The following SPATS2 variants were observed in gnomAD, a reference collection of about 807,000 sequenced individuals.
SPATS2 encodes spermatogenesis-associated serine-rich protein 2.
A neutral mutation model predicts 63.7 loss-of-function variants in SPATS2; 38 were observed. The ratio of observed to expected loss-of-function variants is 0.60; its 90% confidence interval spans 0.46 to 0.78. The LOEUF is 0.78. SPATS2 is among the 30% of genes least tolerant of loss of function. The pLI is 0.00. For synonymous variants in SPATS2, 207 were observed against 232.9 expected (o/e 0.89, Z 1.01); for missense variants, 588 against 666.2 (o/e 0.88, Z 1.29).
At chr12:49,419,961 G>A (rs1460825708) in intron 2 of SPATS2, among the ~76,000 whole-genome samples, 1 of 152,202 alleles carries the variant, frequency 6.6e-6, no homozygotes, top group African/African-American at 2.4e-5. Context: ...TGAAGCTTCT[G>A]TTCTTGAGAC....
At chr12:49,412,339 T>G (rs1565709240) in intron 2 of SPATS2, among the ~76,000 whole-genome samples, 1 of 151,702 alleles carries the variant, frequency 6.6e-6, no homozygotes, top group Non-Finnish European at 1.5e-5. Context: ...GGATTATAGG[T>G]ATGCGCCACC....
At chr12:49,464,785 C>A (rs771659563) in intron 3 of SPATS2, among the ~76,000 whole-genome samples, 36 of 152,146 alleles carry the variant, frequency 2.4e-4, no homozygotes, top group Non-Finnish European at 3.2e-4. Context: ...GCTATGATCA[C>A]TACACTCTAG....
chr12:49,513,148 T>C (rs945456420), intron 9 of SPATS2, among the ~76,000 whole-genome samples: 10 of 152,298 alleles, frequency 6.6e-5, no homozygotes, highest in Middle Eastern at 3.4e-3. Flanking sequence ...GTCTCCACAT[T>C]AACTACTTTG....
At position 49,496,993 on chromosome 12, in the gene SPATS2, C is replaced by T. The variant is rs750067373; in HGVS notation, c.687C>T (p.Ala229=). ...SNMGMEDVPL[A]TSKKLSSNIE... ...TGGGGATGGAAGATGTTCCCCTCGC[C>T]ACCAGTAAAAAGCTAAGTAAGTCAG... Residue 229 remains alanine, a synonymous_variant, in exon 8 of 14, where the codon GCC becomes GCT. Coordinates refer to ENST00000552918, the MANE Select transcript of SPATS2 (RefSeq NM_023071.4). The T allele has an allele frequency of 1.9e-6, 3 of 1,557,634 alleles. No homozygotes were observed. The highest frequency in any genetic ancestry group is 2.4e-5 in the South Asian group (2 of 82,604).
At chr12:49,411,948 GAGCT>G (rs1457455910) in intron 2 of SPATS2, among the ~76,000 whole-genome samples, 1 of 152,076 alleles carries the variant, frequency 6.6e-6, no homozygotes. Context: ...TCTTCTAAGA[GAGCT>G]AGAACATTAA....
At chr12:49,427,258 ATT>A (rs1312846883) in intron 2 of SPATS2, among the ~76,000 whole-genome samples, 2 of 152,146 alleles carry the variant, frequency 1.3e-5, no homozygotes. Context: ...TAAATAATAT[ATT>A]GTTTTAGCAT....
At chr12:49,471,729 T>C (rs1946037289) in intron 3 of SPATS2, among the ~76,000 whole-genome samples, 1 of 152,208 alleles carries the variant, frequency 6.6e-6, no homozygotes, top group Non-Finnish European at 1.5e-5. Context: ...TCCAGAACTG[T>C]TTTCATATTG....
chr12:49,499,950 G>T, intron 8 of SPATS2, 120 bp from the exon 9 acceptor site: 1 of 746,548 alleles, frequency 1.3e-6, no homozygotes, highest in Non-Finnish European at 1.9e-6. Flanking sequence ...GGGGAAGGTG[G>T]TTATTTAGGA....
At chr12:49,403,502 C>G (rs1169871872) in intron 2 of SPATS2, among the ~76,000 whole-genome samples, 1 of 151,238 alleles carries the variant, frequency 6.6e-6, no homozygotes, top group Non-Finnish European at 1.5e-5. Context: ...GTGGCGGGTG[C>G]TTGTAGACTC....
At chr12:49,382,393 CT>C (rs1173013908) in intron 2 of SPATS2, among the ~76,000 whole-genome samples, 1 of 152,198 alleles carries the variant, frequency 6.6e-6, no homozygotes, top group Non-Finnish European at 1.5e-5. Flanking sequence ...AGCACTTTCT[CT>C]TTTTTATCCT....
intron 3 of SPATS2, among the ~76,000 whole-genome samples, chr12:49,474,871 G>A (rs1242680523): frequency 6.6e-6 from 1 of 152,192 alleles, no homozygotes; most frequent in Non-Finnish European, 1.5e-5. Context: ...ACAGTTCCAC[G>A]TGACTGGGGA....
intron 2 of SPATS2, among the ~76,000 whole-genome samples, chr12:49,377,344 A>G (rs1565691832): frequency 2.0e-5 from 3 of 152,312 alleles, no homozygotes; most frequent in Non-Finnish European, 4.4e-5. Context: ...AATGCGTAAC[A>G]ACGACTACTA....
intron 2 of SPATS2, among the ~76,000 whole-genome samples, chr12:49,396,423 C>T (rs1430567195): frequency 1.3e-5 from 2 of 152,160 alleles, no homozygotes; most frequent in East Asian, 3.8e-4. Context: ...GTTTGTTTCT[C>T]TGTCTGTGTA....
intron 2 of SPATS2, among the ~76,000 whole-genome samples, chr12:49,412,650 G>A (rs772123660): frequency 5.3e-5 from 8 of 151,960 alleles, no homozygotes; most frequent in Non-Finnish European, 1.5e-5. Context: ...GGAGGCTGAG[G>A]TAGGAGGATC....
intron 2 of SPATS2, among the ~76,000 whole-genome samples, chr12:49,408,536 A>AGC (rs1944737345): frequency 7.0e-6 from 1 of 142,678 alleles, no homozygotes; most frequent in Non-Finnish European, 1.5e-5. Flanking sequence ...TACAGGCTTG[A>AGC]GCCACTGTGC....
intron 2 of SPATS2, among the ~76,000 whole-genome samples, chr12:49,393,102 A>T (rs564361118): frequency 6.6e-6 from 1 of 152,140 alleles, no homozygotes; most frequent in Admixed American, 6.6e-5. Context: ...GCTTTGTCTC[A>T]CCTTAATTAT....
rs370139253 is a variant in SPATS2 at position 49,489,448 on chromosome 12, C to G, written c.106-17C>G. Reference sequence around the variant, plus strand: ...CCTACTAATGTTAGAATTAAATGACCCTGTCATCTTTTCCAGATAAATGCG... The same window carrying G: ...CCTACTAATGTTAGAATTAAATGACGCTGTCATCTTTTCCAGATAAATGCG... On this transcript the variant is annotated splice_polypyrimidine_tract_variant and intron_variant, in intron 4 of 13. Transcript: ENST00000552918. 6.9e-6 allele frequency: 11 copies of G among 1,604,958 alleles called. No individual in the cohort carries two copies. The African/African-American group carries it at 1.1e-4, about 16-fold the overall frequency.
chr12:49,433,161 CTTGTT>C (rs895062334), intron 2 of SPATS2, among the ~76,000 whole-genome samples: 16 of 151,890 alleles, frequency 1.1e-4, no homozygotes, highest in African/African-American at 2.2e-4. Flanking sequence ...CTCATTGTGT[CTTGTT>C]TTGTTTTGTT....
rs530711911 is a variant in SPATS2, at chr12:49,524,631, C to T, written c.1112-51C>T. On this transcript the variant is annotated intron_variant, in intron 12 of 13. Coordinates refer to ENST00000552918, the MANE Select transcript of SPATS2 (RefSeq NM_023071.4). Reference sequence around the variant, plus strand: ...AAATTGAGAAAGTAGAAACCTTATCCATTGTGCTGTTCTATCATATGATCA... The same window carrying T: ...AAATTGAGAAAGTAGAAACCTTATCTATTGTGCTGTTCTATCATATGATCA... 247 of 1,560,312 alleles carry T rather than the reference C, an allele frequency of 1.6e-4. No homozygotes were observed. The East Asian group carries it at 5.5e-3, about 35-fold the overall frequency.
Sources: gnomAD v4.1 joint callset for allele counts (sites outside exome capture counted in the v4.1 genomes callset) on GRCh38, gnomAD v4.1.1 for gene constraint, MANE v1.5 for transcripts, NCBI Gene and HGNC (gene_info 2026-07-23, HGNC 2026-07-21) for gene names.